The following DGKB variants were observed in gnomAD, a reference collection of about 807,000 sequenced individuals.
DGKB encodes the protein diacylglycerol kinase beta, also known as 90 kDa diacylglycerol kinase.
Under a neutral mutation model 114.3 loss-of-function variants are expected in DGKB, and 67 were observed. The observed-to-expected ratio is 0.59, with a 90% CI of 0.48 to 0.72. The LOEUF is 0.72. Among genes scored for constraint, DGKB ranks in the 30% least tolerant of loss-of-function variants. The pLI is 0.00. For synonymous variants in DGKB, 398 were observed against 323.1 expected, an observed-to-expected ratio of 1.23 and a Z score of -2.49; for missense variants, 907 against 975.2, an observed-to-expected ratio of 0.93 and a Z score of 0.93.
At chr7:14,741,183 G>A (rs973643847) in intron 4 of DGKB, among the ~76,000 whole-genome samples, 1 of 152,120 alleles carries the variant, frequency 6.6e-6, no homozygotes, top group African/African-American at 2.4e-5. Flanking sequence ...CCTTAAACTG[G>A]TTGGCTTAGA....
At chr7:14,476,540 CAG>C (rs1048509644) in intron 21 of DGKB, among the ~76,000 whole-genome samples, 6 of 151,914 alleles carry the variant, frequency 3.9e-5, no homozygotes, top group African/African-American at 7.3e-5. Context: ...CAGAAGCAAC[CAG>C]AGTTATAAAA....
intron 23 of DGKB, among the ~76,000 whole-genome samples, chr7:14,312,889 CA>C (rs1805650267): frequency 6.6e-6 from 1 of 152,114 alleles, no homozygotes; most frequent in Non-Finnish European, 1.5e-5. Flanking sequence ...AGCTTGAAAT[CA>C]ACAAGTATGA....
chr7:14,476,149 T>A (rs7802759), intron 21 of DGKB, among the ~76,000 whole-genome samples: 84,059 of 151,476 alleles, frequency 0.55, 24,119 homozygotes, highest in East Asian at 0.76. Flanking sequence ...TGAATATAAC[T>A]TAAATAATAT....
intron 5 of DGKB, among the ~76,000 whole-genome samples, chr7:14,728,917 G>C (rs983931699): frequency 1.3e-5 from 2 of 151,726 alleles, no homozygotes; most frequent in Non-Finnish European, 2.9e-5. Context: ...GGCCAGGCTG[G>C]TCTCAAACTC....
Position 14,801,896 on chromosome 7 carries a change from A to G in DGKB, c.70+39298T>C, listed in dbSNP as rs1451472489. Reference sequence around the variant, plus strand: ...TACATATGTGTGTGTGTATATATATATACACACATATACACACATATATAC... The same window carrying G: ...TACATATGTGTGTGTGTATATATATGTACACACATATACACACATATATAC... On this transcript the variant is annotated intron_variant, in intron 2 of 25. Transcript: ENST00000402815. 2.1e-5 allele frequency among the ~76,000 whole-genome samples: 3 copies of G among 141,034 alleles called. No homozygotes were observed. The Admixed American group carries it at 2.1e-4, about 10-fold the overall frequency. 92.5% of individuals were successfully genotyped at this position (141,034 alleles called of 152,430 possible).
At position 14,916,060 on chromosome 7, in the gene DGKB, C is replaced by T. The variant is rs563705765; in HGVS notation, c.-188+58636G>A. ...ACAACAATGTTATATGGAATAAAAG[C>T]GAAAAAGAAGATATATGCTGTTATT... is the stretch of plus-strand genomic sequence containing the variant. On this transcript the variant is annotated intron_variant, in intron 1 of 4. Coordinates refer to the DGKB transcript ENST00000437998. Among the ~76,000 whole-genome samples the T allele has an allele frequency of 5.5e-4, 84 of 151,686 alleles. No homozygotes were observed. In the South Asian group the frequency reaches 0.015, roughly 27 times the overall value.
At chr7:14,212,347 T>C (rs1269692516) in intron 23 of DGKB, among the ~76,000 whole-genome samples, 1 of 53,958 alleles carries the variant, frequency 1.9e-5, no homozygotes, top group Non-Finnish European at 3.2e-5. Context: ...TTGTGATATT[T>C]ACTCTCATGT....
At chr7:14,899,056 A>G (rs1782564335) in intron 1 of DGKB, among the ~76,000 whole-genome samples, 1 of 152,168 alleles carries the variant, frequency 6.6e-6, no homozygotes, top group African/African-American at 2.4e-5. Flanking sequence ...CTCTACGCCC[A>G]TAACATTTTC....
Position 14,146,012 on chromosome 7 carries a change from A to G in DGKB, c.*3119T>C, listed in dbSNP as rs2128205719. Reference sequence around the variant, plus strand: ...GGATTTAAATTTCTGTCTGCAGTAGACTAGGCTAAACATCTGAGCCTTTTG... The same window carrying G: ...GGATTTAAATTTCTGTCTGCAGTAGGCTAGGCTAAACATCTGAGCCTTTTG... On this transcript the variant is annotated 3_prime_UTR_variant, in exon 26 of 26. Transcript: ENST00000402815. 1 of 152,354 alleles carries G rather than the reference A, an allele frequency of 6.6e-6. No homozygotes were observed. Among genetic ancestry groups the G allele is most frequent in the Middle Eastern group, 3.4e-3 (1 of 294 alleles). The allele number at this position is 152,354 out of a possible 1,614,324, so 9.4% of individuals were successfully genotyped here.
chr7:14,303,048 C>T (rs1803835854), intron 23 of DGKB, among the ~76,000 whole-genome samples: 1 of 152,104 alleles, frequency 6.6e-6, no homozygotes, highest in South Asian at 2.1e-4. Context: ...CTAAGCAAAA[C>T]AAATATTTAT....
chr7:14,295,857 C>T (rs1434463319), intron 23 of DGKB, among the ~76,000 whole-genome samples: 1 of 151,940 alleles, frequency 6.6e-6, no homozygotes, highest in East Asian at 1.9e-4. Flanking sequence ...CCTACCCTAG[C>T]CCCCCAACCC....
chr7:14,785,322 G>C (rs541770569), intron 2 of DGKB, among the ~76,000 whole-genome samples: 1 of 151,924 alleles, frequency 6.6e-6, no homozygotes, highest in Non-Finnish European at 1.5e-5. Context: ...AAACTCACTA[G>C]CTCATTAAAA....
At position 14,852,487 on chromosome 7, in the gene DGKB, C is replaced by CAAAAAAAAAAAAACAACAAA; in HGVS notation, c.-187-11038_-187-11037insTTTGTTGTTTTTTTTTTTTT. Among the ~76,000 whole-genome samples, 57 of 63,618 alleles carry CAAAAAAAAAAAAACAACAAA rather than the reference C, an allele frequency of 9.0e-4. 3 individuals carry two copies. The East Asian group carries it at 0.014, about 16-fold the overall frequency. The allele number at this position is 63,618 out of a possible 152,430, so 41.7% of individuals were successfully genotyped here. On this transcript the variant is annotated intron_variant, in intron 1 of 25. Transcript: ENST00000402815. ...GAGGAATAGCTAAAATAGTGAAAGT[C>CAAAAAAAAAAAAACAACAAA]AAAAAAAAAACAGAAATCAAGCATA... is the stretch of plus-strand genomic sequence containing the variant.
intron 16 of DGKB, among the ~76,000 whole-genome samples, chr7:14,611,792 C>A (rs2128792989): frequency 6.6e-6 from 1 of 151,834 alleles, no homozygotes; most frequent in Non-Finnish European, 1.5e-5. Flanking sequence ...GGTCATTCTA[C>A]ATGATTCATA....
At chr7:14,438,075 C>A (rs928424363) in intron 21 of DGKB, among the ~76,000 whole-genome samples, 3 of 151,894 alleles carry the variant, frequency 2.0e-5, no homozygotes, top group Admixed American at 2.0e-4. Flanking sequence ...AGTTTCCAAG[C>A]AAGTCTCCCC....
intron 23 of DGKB, among the ~76,000 whole-genome samples, chr7:14,221,787 G>T (rs1007687350): frequency 6.7e-6 from 1 of 149,944 alleles, no homozygotes; most frequent in Non-Finnish European, 1.5e-5. Context: ...GAAGCCATCT[G>T]GGTCTTTGCT....
intron 23 of DGKB, among the ~76,000 whole-genome samples, chr7:14,309,981 G>A (rs934261618): frequency 6.6e-6 from 1 of 152,148 alleles, no homozygotes; most frequent in Non-Finnish European, 1.5e-5. Context: ...TAAAATCCTG[G>A]CACATACCCT....
chr7:14,919,099 C>CACACACACAA (rs1554345193), intron 1 of DGKB, among the ~76,000 whole-genome samples: 36 of 142,046 alleles, frequency 2.5e-4, no homozygotes, highest in Middle Eastern at 3.6e-3. Flanking sequence ...CACACAAACA[C>CACACACACAA]ACACACACAC....
At chr7:14,920,091 T>G (rs1784441950) in intron 1 of DGKB, among the ~76,000 whole-genome samples, 1 of 152,188 alleles carries the variant, frequency 6.6e-6, no homozygotes, top group African/African-American at 2.4e-5. Context: ...TAGGTAACTT[T>G]GTGTTTCCTG....
Sources: allele counts gnomAD v4.1 joint callset (sites outside exome capture counted in the v4.1 genomes callset), GRCh38; gene constraint gnomAD v4.1.1; transcripts MANE v1.5; gene names NCBI Gene and HGNC (gene_info 2026-07-23, HGNC 2026-07-21).